The following TBC1D22A variants were observed in gnomAD, a reference collection of about 807,000 sequenced individuals.
The protein encoded by TBC1D22A is TBC1 domain family member 22A.
TBC1D22A carries 38 observed loss-of-function variants against 60.2 expected under a neutral mutation model. That is an observed-to-expected ratio of 0.63 (90% CI 0.49 to 0.83). TBC1D22A has a LOEUF of 0.83. Among genes scored for constraint, TBC1D22A ranks in the 40% least tolerant of loss-of-function variants. The pLI is 0.00. For missense variants in TBC1D22A, 628 were observed against 701.0 expected (o/e 0.90, Z 1.18); for synonymous variants, 302 against 281.7 (o/e 1.07, Z -0.72).
At chr22:47,019,692 A>C (rs34020971) in intron 10 of TBC1D22A, among the ~76,000 whole-genome samples, 36,459 of 151,626 alleles carry the variant, frequency 0.24, 4,675 homozygotes, top group East Asian at 0.29. Context: ...GCAGGGAAGG[A>C]CGTGGTTTGG....
intron 10 of TBC1D22A, among the ~76,000 whole-genome samples, chr22:47,036,170 C>A (rs1211399293): frequency 6.6e-6 from 1 of 152,114 alleles, no homozygotes; most frequent in African/African-American, 2.4e-5. Context: ...CTCAGGTGCA[C>A]CTGCGTTTTA....
chr22:46,908,763 C>T (rs2069674570), intron 7 of TBC1D22A, among the ~76,000 whole-genome samples: 1 of 152,194 alleles, frequency 6.6e-6, no homozygotes, highest in African/African-American at 2.4e-5. Context: ...AAAGGGCACT[C>T]ACTTGGCAGG....
chr22:46,860,950 G>A (rs1340380213), intron 4 of TBC1D22A, among the ~76,000 whole-genome samples: 1 of 151,852 alleles, frequency 6.6e-6, no homozygotes, highest in Non-Finnish European at 1.5e-5. Context: ...AGCTCTTTTG[G>A]CGAAGGCATA....
intron 2 of TBC1D22A, chr22:46,792,909 A>G: frequency 2.2e-6 from 3 of 1,390,560 alleles, no homozygotes; most frequent in Non-Finnish European, 2.8e-6. Context: ...TCCTTCCCGC[A>G]TTCTCCACCA....
chr22:47,035,909 G>T (rs904289696), intron 10 of TBC1D22A, among the ~76,000 whole-genome samples: 3 of 152,212 alleles, frequency 2.0e-5, no homozygotes, highest in African/African-American at 7.2e-5. Context: ...CCTGCTTCTC[G>T]CTTGTTGCTG....
At chr22:47,141,497 A>G (rs1252857472) in intron 12 of TBC1D22A, among the ~76,000 whole-genome samples, 1 of 152,174 alleles carries the variant, frequency 6.6e-6, no homozygotes. Flanking sequence ...ATCAGAGCTG[A>G]ACTTGCTTGG....
At chr22:46,786,908 A>C (rs2084182026) in intron 1 of TBC1D22A, among the ~76,000 whole-genome samples, 1 of 151,164 alleles carries the variant, frequency 6.6e-6, no homozygotes, top group Non-Finnish European at 1.5e-5. Flanking sequence ...CTGGTCTTGA[A>C]CTCCTGGGGT....
chr22:47,173,326 C>T (rs2068564141), intron 12 of TBC1D22A, among the ~76,000 whole-genome samples, 172 bp from the exon 13 acceptor site: 1 of 152,124 alleles, frequency 6.6e-6, no homozygotes, highest in South Asian at 2.1e-4. Flanking sequence ...TGTGGGTCAC[C>T]TCCTCTGACC....
intron 4 of TBC1D22A, among the ~76,000 whole-genome samples, chr22:46,810,228 A>C (rs1474432727): frequency 6.6e-6 from 1 of 152,252 alleles, no homozygotes; most frequent in Non-Finnish European, 1.5e-5. Context: ...GCATTATACG[A>C]AGTTAAAACA....
At chr22:47,060,713 G>A (rs1387566856) in intron 11 of TBC1D22A, among the ~76,000 whole-genome samples, 1 of 152,150 alleles carries the variant, frequency 6.6e-6, no homozygotes, top group Non-Finnish European at 1.5e-5. Context: ...AGTTGGTGAT[G>A]GTTCAGCAGA....
intron 4 of TBC1D22A, among the ~76,000 whole-genome samples, chr22:46,815,553 G>A (rs139099775): frequency 2.0e-5 from 3 of 152,156 alleles, no homozygotes; most frequent in South Asian, 2.1e-4. Context: ...CTAACAAGAC[G>A]GTGCCCATTT....
intron 8 of TBC1D22A, among the ~76,000 whole-genome samples, chr22:46,919,346 C>T (rs543763567): frequency 6.6e-6 from 1 of 152,244 alleles, no homozygotes; most frequent in Non-Finnish European, 1.5e-5. Context: ...TTCCTTCATT[C>T]CGTAGCCAGG....
chr22:46,897,245 G>A (rs549376801), intron 7 of TBC1D22A, among the ~76,000 whole-genome samples: 54 of 152,190 alleles, frequency 3.5e-4, no homozygotes, highest in Non-Finnish European at 6.6e-4. Context: ...GCAGCTCAAG[G>A]GCCTGGTAAC....
intron 12 of TBC1D22A, among the ~76,000 whole-genome samples, chr22:47,152,770 A>G (rs1363870509): frequency 4.6e-5 from 7 of 152,186 alleles, no homozygotes; most frequent in Admixed American, 4.6e-4. Context: ...CTGAGAGAGA[A>G]AGCATCGGCC....
rs1399021905 is a variant in TBC1D22A at position 47,088,094 on chromosome 22, AT to A, written c.1330-23413del. Among the ~76,000 whole-genome samples the A allele has an allele frequency of 3.1e-4, 41 of 132,250 alleles. No homozygotes were observed. The East Asian group carries it at 9.0e-3, about 29-fold the overall frequency. 86.8% of individuals were successfully genotyped at this position (132,250 alleles called of 152,430 possible). On this transcript the variant is annotated intron_variant, in intron 11 of 12. Transcript: ENST00000337137. ...TCTCAAATAAAAAATAATAATAATA[AT>A]AATAAATTTAAAAAAGATTCAATAT... is the stretch of plus-strand genomic sequence containing the variant.
chr22:47,053,094 C>G (rs1171498903), intron 11 of TBC1D22A, among the ~76,000 whole-genome samples: 1 of 151,960 alleles, frequency 6.6e-6, no homozygotes, highest in Non-Finnish European at 1.5e-5. Context: ...AGCATCGTGC[C>G]CACCACCAGC....
At chr22:46,797,301 G>A (rs999764369) in intron 3 of TBC1D22A, 143 bp from the exon 4 acceptor site, 1 of 841,550 alleles carries the variant, frequency 1.2e-6, no homozygotes, top group South Asian at 1.6e-5. Context: ...CCATGTTATT[G>A]CTCAAGAAAC....
intron 4 of TBC1D22A, among the ~76,000 whole-genome samples, chr22:46,840,949 A>T (rs545260751): frequency 1.3e-5 from 2 of 152,090 alleles, no homozygotes; most frequent in African/African-American, 4.8e-5. Flanking sequence ...CTCGTAGAGG[A>T]TATTTGTACC....
At chr22:47,109,937 A>G (rs1306194491) in intron 11 of TBC1D22A, among the ~76,000 whole-genome samples, 1 of 150,508 alleles carries the variant, frequency 6.6e-6, no homozygotes, top group East Asian at 2.0e-4. Flanking sequence ...ACCTCTCCCC[A>G]CCCTGCCATG....
Sources: allele counts gnomAD v4.1 joint callset (sites outside exome capture counted in the v4.1 genomes callset), GRCh38; gene constraint gnomAD v4.1.1; transcripts MANE v1.5; gene names NCBI Gene and HGNC (gene_info 2026-07-23, HGNC 2026-07-21).